Variants in MAGI1 observed in about 807,000 individuals in gnomAD.
The protein encoded by MAGI1 is membrane-associated guanylate kinase, WW and PDZ domain-containing protein 1.
In MAGI1, 58 loss-of-function variants were observed where a neutral mutation model predicts 139.9. That is an observed-to-expected ratio of 0.41 (90% CI 0.34 to 0.52). The LOEUF (loss-of-function observed/expected upper bound fraction) is 0.52. Among genes scored for constraint, MAGI1 ranks in the 20% least tolerant of loss-of-function variants. The probability of loss-of-function intolerance (pLI) is 0.12; values close to 1 mark genes in which losing one functional copy is unlikely to be tolerated. For missense variants in MAGI1, 1,874 were observed against 1,901.6 expected, an observed-to-expected ratio of 0.99 and a Z score of 0.27; for synonymous variants, 812 against 737.9, an observed-to-expected ratio of 1.10 and a Z score of -1.63.
At chr3:65,618,883 C>A (rs2083513478) in intron 2 of MAGI1, among the ~76,000 whole-genome samples, 1 of 152,216 alleles carries the variant, frequency 6.6e-6, no homozygotes, top group South Asian at 2.1e-4. Flanking sequence ...GAGTAGCCCT[C>A]AGACTTCACA....
chr3:65,999,097 CATGTGCAGG>C (rs906564805), intron 1 of MAGI1, among the ~76,000 whole-genome samples: 15 of 151,998 alleles, frequency 9.9e-5, no homozygotes, highest in African/African-American at 3.6e-4. Context: ...TTCCGGGGTA[CATGTGCAGG>C]ATGTGCAGGT....
rs77452485 is a variant in MAGI1 at position 65,778,975 on chromosome 3, T to C, written c.314-156887A>G. On this transcript the variant is annotated intron_variant, in intron 1 of 22. Coordinates refer to ENST00000402939, the MANE Select transcript of MAGI1 (RefSeq NM_001033057.2). ...ATCTAGGGGTCGAGACCAGGGATAC[T>C]GCTAAATAACTTGCAACACACAGAA... Among the ~76,000 whole-genome samples, 420 of 152,314 alleles carry C rather than the reference T, an allele frequency of 2.8e-3. 15 individuals carry two copies. The East Asian group carries it at 0.071, about 26-fold the overall frequency.
At chr3:65,515,146 CTA>C (rs1237807015) in intron 2 of MAGI1, among the ~76,000 whole-genome samples, 4 of 108,034 alleles carry the variant, frequency 3.7e-5, no homozygotes, top group African/African-American at 1.5e-4. Flanking sequence ...ATATCACACT[CTA>C]GGGACTGTGG....
chr3:66,020,938 G>T (rs1286417666), intron 1 of MAGI1, among the ~76,000 whole-genome samples: 4 of 152,062 alleles, frequency 2.6e-5, no homozygotes, highest in African/African-American at 9.7e-5. Flanking sequence ...ACTGTCATCG[G>T]TAAATGTACC....
intron 2 of MAGI1, among the ~76,000 whole-genome samples, chr3:65,589,984 G>A (rs766005798): frequency 3.9e-5 from 6 of 152,008 alleles, no homozygotes; most frequent in African/African-American, 7.3e-5. Context: ...CACACTCAAC[G>A]ATCCATGACT....
At chr3:65,874,245 C>T (rs539587890) in intron 1 of MAGI1, 1 of 152,096 alleles carries the variant, frequency 6.6e-6, no homozygotes, top group Non-Finnish European at 1.5e-5. Flanking sequence ...GAAATCTCAC[C>T]ACTGGACTCC....
intron 1 of MAGI1, chr3:65,925,417 C>A (rs1309601105): frequency 6.6e-6 from 1 of 152,066 alleles, no homozygotes; most frequent in African/African-American, 2.4e-5. Flanking sequence ...TGTAAAAAGG[C>A]CCACCTTGAC....
chr3:65,793,521 G>A (rs538183250), intron 1 of MAGI1, among the ~76,000 whole-genome samples: 225 of 152,350 alleles, frequency 1.5e-3, no homozygotes, highest in African/African-American at 5.3e-3. Context: ...GGAGCTGGGA[G>A]CTTTAATCTT....
chr3:65,725,261 T>C (rs765148296), intron 1 of MAGI1, among the ~76,000 whole-genome samples: 1 of 152,144 alleles, frequency 6.6e-6, no homozygotes, highest in Non-Finnish European at 1.5e-5. Flanking sequence ...CCAGGCTCTA[T>C]CTCCTTATAG....
At chr3:65,424,571 C>T (rs1320244451) in intron 12 of MAGI1, among the ~76,000 whole-genome samples, 1 of 152,056 alleles carries the variant, frequency 6.6e-6, no homozygotes, top group Non-Finnish European at 1.5e-5. Context: ...TCAGCAAAAG[C>T]CAGTGGGAGA....
intron 1 of MAGI1, chr3:65,954,695 A>G (rs1447155976): frequency 1.3e-5 from 2 of 152,342 alleles, no homozygotes; most frequent in East Asian, 1.9e-4. Context: ...TCGCACTCCA[A>G]TCTCAGTTCT....
At chr3:65,368,442 A>AG (rs1553696484) in intron 18 of MAGI1, among the ~76,000 whole-genome samples, 1 of 152,214 alleles carries the variant, frequency 6.6e-6, no homozygotes, top group Non-Finnish European at 1.5e-5. Flanking sequence ...AGCCCTGTCC[A>AG]GGGACTATTC....
chr3:65,930,120 T>C (rs937176062), intron 1 of MAGI1, among the ~76,000 whole-genome samples: 1 of 149,618 alleles, frequency 6.7e-6, no homozygotes, highest in Non-Finnish European at 1.5e-5. Context: ...ATCGAGACCA[T>C]CCTGGCTAAC....
chr3:65,422,943 T>G (rs1559541385), intron 12 of MAGI1, among the ~76,000 whole-genome samples: 1 of 152,130 alleles, frequency 6.6e-6, no homozygotes, highest in Non-Finnish European at 1.5e-5. Context: ...CTTGATCTGA[T>G]GTACTTTAAA....
chr3:65,510,263 G>T (rs1033208254), intron 2 of MAGI1, among the ~76,000 whole-genome samples: 5 of 152,200 alleles, frequency 3.3e-5, no homozygotes, highest in African/African-American at 1.2e-4. Flanking sequence ...TCCTCCAAAG[G>T]AACGCAGTTC....
chr3:65,679,887 C>G (rs1442081393), intron 1 of MAGI1, among the ~76,000 whole-genome samples: 1 of 152,172 alleles, frequency 6.6e-6, no homozygotes, highest in Admixed American at 6.5e-5. Flanking sequence ...GCCAATATGG[C>G]CTAGTTTCCA....
At position 65,971,026 on chromosome 3, in the gene MAGI1, A is replaced by G. The variant is rs140573726; in HGVS notation, c.313+66970T>C. ...GAGACCATCATGGCCAACATGGTGA[A>G]ACCCCATCTCTACTAAAAATACAAA... On this transcript the variant is annotated intron_variant, in intron 1 of 22. Transcript: ENST00000402939. Among the ~76,000 whole-genome samples, 12 of 152,292 alleles carry G rather than the reference A, an allele frequency of 7.9e-5. No homozygotes were observed. In the East Asian group the frequency reaches 2.3e-3, roughly 30 times the overall value.
intron 1 of MAGI1, among the ~76,000 whole-genome samples, chr3:65,937,855 C>T (rs1327103454): frequency 6.6e-6 from 1 of 151,682 alleles, no homozygotes; most frequent in Non-Finnish European, 1.5e-5. Context: ...ATTACTCCAG[C>T]CCAAATAAGA....
At chr3:65,445,926 C>T (rs1056526606) in intron 7 of MAGI1, among the ~76,000 whole-genome samples, 1 of 152,154 alleles carries the variant, frequency 6.6e-6, no homozygotes, top group Admixed American at 6.6e-5. Flanking sequence ...AAATTAGGAC[C>T]CTCTTATTAA....
Sources: gnomAD v4.1 joint callset for allele counts (sites outside exome capture counted in the v4.1 genomes callset) on GRCh38, gnomAD v4.1.1 for gene constraint, MANE v1.5 for transcripts, NCBI Gene and HGNC (gene_info 2026-07-23, HGNC 2026-07-21) for gene names.